EFCAB6: variants seen among roughly 807,000 people sequenced by gnomAD.
EFCAB6 encodes the protein EF-hand calcium binding domain 6, also known as EF-hand calcium-binding domain-containing protein 6.
EFCAB6 carries 156 observed loss-of-function variants against 169.8 expected under a neutral mutation model. The ratio of observed to expected loss-of-function variants is 0.92; its 90% confidence interval spans 0.81 to 1.05. The LOEUF (loss-of-function observed/expected upper bound fraction) is 1.05. EFCAB6 is among the 50% of genes least tolerant of loss of function. The pLI, the probability that EFCAB6 is intolerant of heterozygous loss-of-function variation, is 0.00. For missense variants in EFCAB6, 1,800 were observed against 1,829.1 expected, an observed-to-expected ratio of 0.98 and a Z score of 0.29; for synonymous variants, 698 against 676.4, an observed-to-expected ratio of 1.03 and a Z score of -0.50.
intron 8 of EFCAB6, among the ~76,000 whole-genome samples, chr22:43,723,250 T>C (rs1230895566): frequency 6.6e-6 from 1 of 152,218 alleles, no homozygotes. Context: ...ATGAACATTG[T>C]TAAAATGACA....
At chr22:43,592,580 A>C (rs867056770) in intron 23 of EFCAB6, among the ~76,000 whole-genome samples, 15 of 152,306 alleles carry the variant, frequency 9.8e-5, no homozygotes, top group African/African-American at 3.6e-4. Flanking sequence ...GGTTTAGAGC[A>C]CAGATCACAG....
rs1300382715 is a variant in EFCAB6, at chr22:43,580,627, T to C, written c.3065A>G (p.Asn1022Ser). The change falls in exon 25 of 32, where the codon AAT becomes AGT. Residue 1022 changes from asparagine (N) to serine (S), a missense_variant. By Grantham distance (46) the Asn-to-Ser change is conservative. Coordinates refer to ENST00000262726, the MANE Select transcript of EFCAB6 (RefSeq NM_022785.4). ...WGVSRHDNAI[N>S]YLDFLRAVEN... ...CACTGCTCTCAGGAAGTCGAGGTAA[T>C]TGATAGCATTATCATGCCGGCTGAC... 1 of 1,614,172 alleles carries C rather than the reference T, an allele frequency of 6.2e-7. No homozygotes were observed. Among genetic ancestry groups the C allele is most frequent in the East Asian group, 2.2e-5 (1 of 44,880 alleles).
chr22:43,673,922 G>A (rs2057606728), intron 13 of EFCAB6, among the ~76,000 whole-genome samples: 4 of 149,884 alleles, frequency 2.7e-5, no homozygotes, highest in East Asian at 2.0e-4. Context: ...AGCCGAGATC[G>A]CGCCACTGCA....
At chr22:43,808,310 C>T (rs1474841477) in intron 2 of EFCAB6, among the ~76,000 whole-genome samples, 2 of 152,186 alleles carry the variant, frequency 1.3e-5, no homozygotes, top group Non-Finnish European at 2.9e-5. Context: ...TAGGTATCTT[C>T]GAGTGGGTGC....
At chr22:43,723,895 T>C (rs2059627360) in intron 8 of EFCAB6, among the ~76,000 whole-genome samples, 1 of 151,504 alleles carries the variant, frequency 6.6e-6, no homozygotes, top group Non-Finnish European at 1.5e-5. Context: ...AGCAGGCTTT[T>C]TAGGGTAATT....
chr22:43,742,953 G>GC (rs1569462411), intron 6 of EFCAB6, among the ~76,000 whole-genome samples: 1 of 152,228 alleles, frequency 6.6e-6, no homozygotes, highest in Admixed American at 6.5e-5. Flanking sequence ...TGCCTGGAGA[G>GC]CAAGGCTGGG....
chr22:43,547,762 A>C (rs899831448), intron 27 of EFCAB6, among the ~76,000 whole-genome samples: 10 of 151,286 alleles, frequency 6.6e-5, no homozygotes, highest in African/African-American at 1.7e-4. Flanking sequence ...AAAAAAAAAA[A>C]AACATAATCC....
chr22:43,714,370 T>C (rs1356744668), intron 9 of EFCAB6, among the ~76,000 whole-genome samples: 1 of 151,856 alleles, frequency 6.6e-6, no homozygotes, highest in Non-Finnish European at 1.5e-5. Flanking sequence ...GAGGAGATGA[T>C]TTTAGTACTA....
At chr22:43,791,450 G>C (rs1569491455) in intron 2 of EFCAB6, among the ~76,000 whole-genome samples, 1 of 151,866 alleles carries the variant, frequency 6.6e-6, no homozygotes, top group Admixed American at 6.6e-5. Flanking sequence ...CATCAAGAAA[G>C]TAGGTGCAAA....
In EFCAB6 at chr22:43,678,033, G is replaced by T. The variant is rs761448990; in HGVS notation, c.1382C>A (p.Thr461Asn). 4.3e-6 allele frequency: 7 copies of T among 1,613,940 alleles called. No homozygotes were observed. In the South Asian group the frequency reaches 7.7e-5, roughly 18 times the overall value. ...LDPGDTGVVN[T>N]SMFIDLIEEN... ...TTCAATCAGATCAATAAACATGCTG[G>T]TGTTGACCACTCCAGTGTCCCCAGG... is the stretch of plus-strand genomic sequence containing the variant. Residue 461 changes from threonine to asparagine, a missense_variant, in exon 13 of 32, where the codon ACC (threonine) becomes AAC (asparagine). Physicochemically the swap from Thr to Asn is moderately conservative, Grantham distance 65 (BLOSUM62 0). Transcript: ENST00000262726.
Position 43,590,174 on chromosome 22 carries a change from G to T in EFCAB6, c.2932C>A (p.Gln978Lys). 6.2e-7 allele frequency: 1 copy of T among 1,614,104 alleles called. No individual in the cohort carries two copies. The highest frequency in any genetic ancestry group is 1.1e-5 in the South Asian group (1 of 91,058). The change falls in exon 24 of 32, where the codon CAA (glutamine) becomes AAA (lysine). Residue 978 changes from glutamine (Q) to lysine (K), a missense_variant. By Grantham distance (53) the Gln-to-Lys change is moderately conservative (BLOSUM62 1). Coordinates refer to ENST00000262726, the MANE Select transcript of EFCAB6 (RefSeq NM_022785.4). Reference sequence around the variant, plus strand: ...ATGGATATGTAGTTGGTTTTGGATTGATCAGTTTTGGTGAATGCTTTGCTG... The same window carrying T: ...ATGGATATGTAGTTGGTTTTGGATTTATCAGTTTTGGTGAATGCTTTGCTG... ...DISKAFTKTD[Q>K]SKTNYISICK... is the part of the protein sequence containing the mutation.
intron 2 of EFCAB6, among the ~76,000 whole-genome samples, chr22:43,789,115 G>A (rs908115454): frequency 2.0e-5 from 3 of 152,118 alleles, no homozygotes; most frequent in Non-Finnish European, 2.9e-5. Flanking sequence ...GCCAGGAACT[G>A]GAAGAAGGGA....
intron 6 of EFCAB6, among the ~76,000 whole-genome samples, chr22:43,746,695 G>C (rs2060576005): frequency 6.6e-6 from 1 of 152,222 alleles, no homozygotes; most frequent in Admixed American, 6.5e-5. Context: ...AGGACTGCTT[G>C]AGGCTAGGAG....
At chr22:43,749,210 T>C (rs956019267) in intron 6 of EFCAB6, among the ~76,000 whole-genome samples, 1 of 151,682 alleles carries the variant, frequency 6.6e-6, no homozygotes, top group African/African-American at 2.4e-5. Context: ...GAATGATGAG[T>C]GGTAGAACCA....
intron 13 of EFCAB6, among the ~76,000 whole-genome samples, chr22:43,675,601 T>A (rs2057720768): frequency 6.9e-6 from 1 of 144,112 alleles, no homozygotes; most frequent in Non-Finnish European, 1.5e-5. Flanking sequence ...ATACTATATA[T>A]CTGATATATA....
At chr22:43,530,408 A>G (rs2046988055) in intron 31 of EFCAB6, 1 of 621,710 alleles carries the variant, frequency 1.6e-6, no homozygotes, top group Admixed American at 6.3e-5. Flanking sequence ...CTGCAGGGGC[A>G]GGGCTCACTT....
At chr22:43,578,774 C>T (rs1207055747) in intron 25 of EFCAB6, among the ~76,000 whole-genome samples, 3 of 147,128 alleles carry the variant, frequency 2.0e-5, no homozygotes, top group African/African-American at 7.6e-5. Context: ...AAGCAGGCAT[C>T]ATACCCTACA....
chr22:43,689,959 T>C (rs1487326537), intron 10 of EFCAB6, among the ~76,000 whole-genome samples: 1 of 152,106 alleles, frequency 6.6e-6, no homozygotes, highest in African/African-American at 2.4e-5. Context: ...AAAGAACTAA[T>C]CCAATTGAGT....
chr22:43,598,003 T>C (rs950523482), intron 23 of EFCAB6, among the ~76,000 whole-genome samples: 2 of 152,112 alleles, frequency 1.3e-5, no homozygotes, highest in Non-Finnish European at 2.9e-5. Context: ...TTCTCATTCA[T>C]ATGTGGGAGT....
Sources: allele counts gnomAD v4.1 joint callset (sites outside exome capture counted in the v4.1 genomes callset), GRCh38; gene constraint gnomAD v4.1.1; transcripts MANE v1.5; gene names NCBI Gene and HGNC (gene_info 2026-07-23, HGNC 2026-07-21).